Variants in BARX2 observed in about 807,000 individuals in gnomAD.
BARX2 encodes the protein BARX homeobox 2, also known as homeobox protein BarH-like 2.
A neutral mutation model predicts 25.5 loss-of-function variants in BARX2; 11 were observed. The ratio of observed to expected loss-of-function variants is 0.43; its 90% CI spans 0.27 to 0.71. BARX2 has a LOEUF of 0.71. BARX2 is among the 30% of genes least tolerant of loss of function. The pLI, the probability that BARX2 is intolerant of heterozygous loss-of-function variation, is 0.19. For missense variants in BARX2, 360 were observed against 359.9 expected, an observed-to-expected ratio of 1.00 and a Z score of 0.00; for synonymous variants, 137 against 149.5, an observed-to-expected ratio of 0.92 and a Z score of 0.61.
intron 1 of BARX2, among the ~76,000 whole-genome samples, chr11:129,394,235 T>C (rs1489412337): frequency 6.6e-6 from 1 of 152,226 alleles, no homozygotes; most frequent in Non-Finnish European, 1.5e-5. Flanking sequence ...GGTTCACTCA[T>C]TTTCATTGAT....
chr11:129,414,522 G>A (rs576025380), intron 1 of BARX2, among the ~76,000 whole-genome samples: 29 of 152,122 alleles, frequency 1.9e-4, no homozygotes, highest in African/African-American at 6.7e-4. Context: ...TCTCAAGGCC[G>A]TTCTCTACTG....
intron 1 of BARX2, among the ~76,000 whole-genome samples, chr11:129,405,512 T>C (rs1421930317): frequency 3.9e-5 from 6 of 152,234 alleles, no homozygotes; most frequent in Non-Finnish European, 7.3e-5. Flanking sequence ...TATTTCTTCA[T>C]TGATACTTTT....
chr11:129,434,108 A>G (rs1350307623), intron 1 of BARX2, among the ~76,000 whole-genome samples: 1 of 143,690 alleles, frequency 7.0e-6, no homozygotes, highest in African/African-American at 2.5e-5. Flanking sequence ...ATGCATTTAT[A>G]AAGGCAGACA....
intron 1 of BARX2, among the ~76,000 whole-genome samples, chr11:129,415,874 T>C (rs752369213): frequency 7.2e-5 from 11 of 152,244 alleles, no homozygotes; most frequent in Admixed American, 3.9e-4. Context: ...GTGACTCAAG[T>C]CCCACCAGTT....
chr11:129,403,575 G>C (rs1861799184), intron 1 of BARX2, among the ~76,000 whole-genome samples: 1 of 152,262 alleles, frequency 6.6e-6, no homozygotes, highest in East Asian at 1.9e-4. Flanking sequence ...CCATACAACT[G>C]GCTGGCATTT....
intron 1 of BARX2, among the ~76,000 whole-genome samples, chr11:129,412,729 G>A (rs1278166597): frequency 1.3e-5 from 2 of 152,218 alleles, no homozygotes; most frequent in Non-Finnish European, 2.9e-5. Flanking sequence ...ACACTGGTGG[G>A]TGTGTCTTAT....
intron 1 of BARX2, among the ~76,000 whole-genome samples, chr11:129,411,906 G>A (rs1861891370): frequency 6.6e-6 from 1 of 152,194 alleles, no homozygotes; most frequent in Non-Finnish European, 1.5e-5. Context: ...CTGTCCTTTC[G>A]AGGAACTCGG....
At chr11:129,389,992 T>C (rs887144244) in intron 1 of BARX2, among the ~76,000 whole-genome samples, 2 of 152,214 alleles carry the variant, frequency 1.3e-5, no homozygotes, top group Admixed American at 1.3e-4. Flanking sequence ...GTGGAGGAAC[T>C]GCCTGAGGAA....
At chr11:129,442,362 G>T (rs906008542) in intron 2 of BARX2, among the ~76,000 whole-genome samples, 3 of 152,176 alleles carry the variant, frequency 2.0e-5, no homozygotes, top group African/African-American at 7.2e-5. Context: ...GTGGGAGGGT[G>T]CAGAGGAGAC....
rs185640425 is a variant in BARX2 at position 129,448,319 on chromosome 11, G to A, written c.574-2817G>A. Among the ~76,000 whole-genome samples the A allele has an allele frequency of 2.7e-4, 41 of 152,266 alleles. No individual in the cohort carries two copies. The East Asian group carries it at 5.6e-3, about 21-fold the overall frequency. ...TCAAAATTTAAAAATTTTGTGCTGTGAAGGACATCATTAGAAAAATGAGAA... is the reference window on the plus strand; with the variant it reads ...TCAAAATTTAAAAATTTTGTGCTGTAAAGGACATCATTAGAAAAATGAGAA... On this transcript the variant is annotated intron_variant, in intron 3 of 3. Transcript: ENST00000281437.
chr11:129,386,409 C>T (rs7104278), intron 1 of BARX2, among the ~76,000 whole-genome samples: 45,173 of 152,024 alleles, frequency 0.3, 7,378 homozygotes, highest in Middle Eastern at 0.42. Context: ...AAAATGTTAA[C>T]GTGTAGCTTC....
chr11:129,396,311 A>T (rs1196089086), intron 1 of BARX2, among the ~76,000 whole-genome samples: 1 of 151,300 alleles, frequency 6.6e-6, no homozygotes, highest in Non-Finnish European at 1.5e-5. Flanking sequence ...CTCTTACTTG[A>T]CGTCTCCCTG....
At chr11:129,385,622 G>C (rs1861609969) in intron 1 of BARX2, among the ~76,000 whole-genome samples, 2 of 152,100 alleles carry the variant, frequency 1.3e-5, no homozygotes, top group Admixed American at 6.5e-5. Flanking sequence ...GAGAGGCAGG[G>C]GCATGGGAGT....
chr11:129,404,320 A>G (rs1243564678), intron 1 of BARX2, among the ~76,000 whole-genome samples: 1 of 152,254 alleles, frequency 6.6e-6, no homozygotes, highest in Non-Finnish European at 1.5e-5. Context: ...TGCCTGTCTC[A>G]TGCGCCAACC....
intron 1 of BARX2, among the ~76,000 whole-genome samples, chr11:129,382,405 C>T (rs1167943592): frequency 6.6e-6 from 1 of 152,138 alleles, no homozygotes; most frequent in Non-Finnish European, 1.5e-5. Context: ...TCTCGAACTT[C>T]TGACCTCAGG....
intron 1 of BARX2, among the ~76,000 whole-genome samples, chr11:129,421,556 T>C (rs1040024073): frequency 6.6e-6 from 1 of 152,200 alleles, no homozygotes; most frequent in Non-Finnish European, 1.5e-5. Flanking sequence ...TGGGATTCCA[T>C]AGAAGTCATA....
At chr11:129,404,721 T>A (rs1419324710) in intron 1 of BARX2, among the ~76,000 whole-genome samples, 1 of 152,184 alleles carries the variant, frequency 6.6e-6, no homozygotes, top group Non-Finnish European at 1.5e-5. Flanking sequence ...GCCTGTCCAT[T>A]TGGTGTGAGC....
chr11:129,381,001 T>C (rs569538277), intron 1 of BARX2, among the ~76,000 whole-genome samples: 277 of 152,210 alleles, frequency 1.8e-3, no homozygotes, highest in African/African-American at 6.5e-3. Flanking sequence ...GGTCTCGAAC[T>C]CCTAATCTCG....
At chr11:129,443,946 T>C (rs1185153829) in intron 3 of BARX2, among the ~76,000 whole-genome samples, 1 of 152,080 alleles carries the variant, frequency 6.6e-6, no homozygotes, top group East Asian at 1.9e-4. Context: ...CACCAAACGT[T>C]AGTGGCTCTT....
Sources: gnomAD v4.1 joint callset for allele counts (sites outside exome capture counted in the v4.1 genomes callset) on GRCh38, gnomAD v4.1.1 for gene constraint, MANE v1.5 for transcripts, NCBI Gene and HGNC (gene_info 2026-07-23, HGNC 2026-07-21) for gene names.